Variants in MEF2C observed in about 807,000 individuals in gnomAD.
The protein encoded by MEF2C is myocyte enhancer factor 2C, also known as myocyte-specific enhancer factor 2C.
Under a neutral mutation model 50.5 loss-of-function variants are expected in MEF2C, and 6 were observed. That is an observed-to-expected ratio of 0.12 (90% CI 0.07 to 0.23). MEF2C has a LOEUF of 0.23. Ranked by LOEUF, MEF2C falls within the 10% of genes least tolerant of loss-of-function variation. The pLI, the probability that MEF2C is intolerant of heterozygous loss-of-function variation, is 1.00. For missense variants in MEF2C, 276 were observed against 605.0 expected (o/e 0.46, Z 5.70); for synonymous variants, 183 against 228.0 (o/e 0.80, Z 1.78).
intron 1 of MEF2C, among the ~76,000 whole-genome samples, chr5:88,831,905 C>T: frequency 6.6e-6 from 1 of 152,104 alleles, no homozygotes; most frequent in East Asian, 1.9e-4. Flanking sequence ...GATCTTCTGA[C>T]AGCAATCATT....
Position 88,751,966 on chromosome 5 carries a change from A to G in MEF2C, c.480T>C (p.Pro160=), listed in dbSNP as rs200518765. Residue 160 remains proline (P), a synonymous_variant, in exon 5 of 11, where the codon CCT becomes CCC. Coordinates refer to ENST00000504921, the MANE Select transcript of MEF2C (RefSeq NM_002397.5). ...SSHNSLVYSN[P]VSSLGNPNLL... ...GGTTGGGGTTTCCCAGTGAGCTGAC[A>G]GGGTTGCTGTACACCAAACTGTTGT... 36 of 1,614,036 alleles carry G rather than the reference A, an allele frequency of 2.2e-5. No individual in the cohort carries two copies. The East Asian group carries it at 7.8e-4, about 35-fold the overall frequency.
intron 1 of MEF2C, among the ~76,000 whole-genome samples, chr5:88,829,762 C>G (rs1275459963): frequency 6.6e-6 from 1 of 151,994 alleles, no homozygotes. Context: ...GGTTAGAATT[C>G]TAGCTTGGTA....
chr5:88,798,132 T>A (rs1189463909), intron 3 of MEF2C, among the ~76,000 whole-genome samples: 1 of 152,118 alleles, frequency 6.6e-6, no homozygotes, highest in Non-Finnish European at 1.5e-5. Flanking sequence ...GGTTGCTCTT[T>A]TTGAGGAGTA....
At chr5:88,769,922 G>A in intron 3 of MEF2C, 1 of 973,550 alleles carries the variant, frequency 1.0e-6, no homozygotes, top group East Asian at 1.1e-4. Context: ...CTAGGATTAT[G>A]GGCATGGGCC....
At chr5:88,752,114 C>T (rs1041986056) in intron 4 of MEF2C, 71 bp from the exon 5 acceptor site, 91 of 1,372,062 alleles carry the variant, frequency 6.6e-5, no homozygotes, top group Non-Finnish European at 8.3e-5. Flanking sequence ...AGACAGACAG[C>T]CCTTATTTTT....
chr5:88,786,462 G>A (rs1018511644), intron 3 of MEF2C, among the ~76,000 whole-genome samples: 3 of 149,340 alleles, frequency 2.0e-5, no homozygotes, highest in Non-Finnish European at 4.4e-5. Context: ...TTTAGAGAGG[G>A]GAAAAAAAAA....
At chr5:88,763,043 TTAAAA>T (rs1420683968) in intron 3 of MEF2C, among the ~76,000 whole-genome samples, 12 of 152,328 alleles carry the variant, frequency 7.9e-5, no homozygotes, top group South Asian at 4.1e-4. Flanking sequence ...ATATTTTCAC[TTAAAA>T]TAAAAAATCA....
Position 88,717,661 on chromosome 5 carries a change from CTT to C in MEF2C, c.*4941_*4942del, listed in dbSNP as rs1189292283. ...TCTCCAGCTGGCTAACTGGTGGTGT[CTT>C]GTTTTCCTTTTCAGTTTTTAAATTA... On this transcript the variant is annotated 3_prime_UTR_variant, in exon 11 of 11. Transcript: ENST00000504921. The C allele has an allele frequency of 6.6e-6, 1 of 152,138 alleles. No homozygotes were observed. Among genetic ancestry groups the C allele is most frequent in the Non-Finnish European group, 1.5e-5 (1 of 68,022 alleles). 9.4% of individuals were successfully genotyped at this position (152,138 alleles called of 1,614,324 possible).
chr5:88,738,778 T>C (rs944746284), intron 6 of MEF2C: 2 of 985,252 alleles, frequency 2.0e-6, no homozygotes, highest in African/African-American at 1.7e-5. Flanking sequence ...TAAGGTCAAC[T>C]TGGGCATAGT....
At chr5:88,738,257 G>C in intron 6 of MEF2C, 1 of 985,280 alleles carries the variant, frequency 1.0e-6, no homozygotes, top group Non-Finnish European at 1.2e-6. Flanking sequence ...GGCAGTCATT[G>C]ACAATCTTAC....
upstream of MEF2C, among the ~76,000 whole-genome samples, chr5:88,885,345 T>G (rs1248226065): frequency 6.6e-6 from 1 of 152,204 alleles, no homozygotes; most frequent in African/African-American, 2.4e-5. Context: ...CAAGTACAAC[T>G]AGATCTGAAC....
chr5:88,763,881 G>A (rs1778888306), intron 3 of MEF2C, among the ~76,000 whole-genome samples: 1 of 152,056 alleles, frequency 6.6e-6, no homozygotes, highest in Admixed American at 6.5e-5. Context: ...TGAACTCCTA[G>A]ACTCAAGGGA....
intron 5 of MEF2C, chr5:88,749,400 G>C (rs571740131): frequency 2.0e-6 from 2 of 985,038 alleles, no homozygotes; most frequent in Admixed American, 6.1e-5. Flanking sequence ...CTAAGTCTAG[G>C]TTTTCCCTAA....
chr5:88,760,602 T>C (rs1269082778), intron 4 of MEF2C, among the ~76,000 whole-genome samples: 1 of 152,250 alleles, frequency 6.6e-6, no homozygotes, highest in Non-Finnish European at 1.5e-5. Context: ...GAGTATCTGC[T>C]CTTAGCAAAC....
chr5:88,731,332 G>A (rs34318), intron 7 of MEF2C: 78,348 of 159,290 alleles, frequency 0.49, 20,601 homozygotes, highest in Non-Finnish European at 0.58. Flanking sequence ...CATTGTCAGC[G>A]TGTTGAGGAC....
intron 1 of MEF2C, among the ~76,000 whole-genome samples, chr5:88,871,249 C>A (rs1248945987): frequency 6.6e-6 from 1 of 151,912 alleles, no homozygotes; most frequent in Middle Eastern, 3.2e-3. Flanking sequence ...GTAATCATAA[C>A]CCTGGAAAGG....
At chr5:88,843,449 G>A in intron 1 of MEF2C, 1 of 984,966 alleles carries the variant, frequency 1.0e-6, no homozygotes, top group South Asian at 4.7e-5. Context: ...GCAAAAATGA[G>A]GCAGACCAAT....
chr5:88,902,665 C>T (rs2432030), intron 1 of MEF2C, among the ~76,000 whole-genome samples: 3 of 151,820 alleles, frequency 2.0e-5, no homozygotes, highest in East Asian at 3.9e-4. Flanking sequence ...TTCCACTATA[C>T]AATCATGTGT....
chr5:88,852,313 T>C (rs1821668870), intron 1 of MEF2C, among the ~76,000 whole-genome samples: 1 of 151,978 alleles, frequency 6.6e-6, no homozygotes. Context: ...AAAGTACCAG[T>C]GGTGGGGTAA....
Sources: gnomAD v4.1 joint callset for allele counts (sites outside exome capture counted in the v4.1 genomes callset) on GRCh38, gnomAD v4.1.1 for gene constraint, MANE v1.5 for transcripts, NCBI Gene and HGNC (gene_info 2026-07-23, HGNC 2026-07-21) for gene names.